TTC7A: variants seen among roughly 807,000 people sequenced by gnomAD.
The protein encoded by TTC7A is tetratricopeptide repeat protein 7A.
A neutral mutation model predicts 103.7 loss-of-function variants in TTC7A; 110 were observed. That is an observed-to-expected ratio of 1.06 (90% CI 0.91 to 1.24). TTC7A has a LOEUF of 1.24. Among genes scored for constraint, TTC7A ranks in the 50% most tolerant of loss-of-function variants. The pLI is 0.00. For synonymous variants in TTC7A, 521 were observed against 467.9 expected (o/e 1.11, Z -1.47); for missense variants, 1,340 against 1,116.3 (o/e 1.20, Z -2.86).
chr2:46,939,375 G>A (rs1372536317), upstream of TTC7A, among the ~76,000 whole-genome samples: 2 of 152,182 alleles, frequency 1.3e-5, no homozygotes, highest in Non-Finnish European at 1.5e-5. Flanking sequence ...TTGGTCATCA[G>A]AGGGCTGGGG....
At chr2:46,929,986 G>GA (rs1214454330) in intron 2 of TTC7A, among the ~76,000 whole-genome samples, 1 of 152,212 alleles carries the variant, frequency 6.6e-6, no homozygotes, top group Non-Finnish European at 1.5e-5. Flanking sequence ...GAAATATGGA[G>GA]AAAAGCCCAG....
Position 47,050,047 on chromosome 2 carries a change from G to A in TTC7A, c.2017+1G>A. The A allele has an allele frequency of 6.2e-7, 1 of 1,612,802 alleles. No individual in the cohort carries two copies. Among genetic ancestry groups the A allele is most frequent in the South Asian group, 1.1e-5 (1 of 91,042 alleles). On this transcript the variant is annotated splice_donor_variant, in intron 17 of 19. Transcript: ENST00000319190. LOFTEE classifies it high-confidence loss of function. ...CCTGATGCCCATGATGCAGACTCTG[G>A]TAAGAACGAGCTCCTTGGGCCACTG...
At chr2:47,004,815 T>C (rs1454264390) in intron 8 of TTC7A, among the ~76,000 whole-genome samples, 1 of 152,050 alleles carries the variant, frequency 6.6e-6, no homozygotes, top group Non-Finnish European at 1.5e-5. Context: ...GTCCCTGCCC[T>C]GTGGCTGCTT....
At chr2:47,070,364 C>T (rs1684571764) in intron 19 of TTC7A, among the ~76,000 whole-genome samples, 1 of 152,236 alleles carries the variant, frequency 6.6e-6, no homozygotes, top group Non-Finnish European at 1.5e-5. Context: ...GCTTGCCAAG[C>T]TCCACGTGGG....
At chr2:47,026,204 C>T (rs75463672) in intron 14 of TTC7A, among the ~76,000 whole-genome samples, 1,807 of 152,306 alleles carry the variant, frequency 0.012, 42 homozygotes, top group African/African-American at 0.042. Context: ...GCCAGCCCAT[C>T]CTGCCAAGAG....
intron 1 of TTC7A, among the ~76,000 whole-genome samples, chr2:46,948,397 C>G (rs1671117452): frequency 6.6e-6 from 1 of 152,148 alleles, no homozygotes; most frequent in Admixed American, 6.5e-5. Context: ...AGAGGTTCTA[C>G]CAACTTATAG....
At position 46,995,161 on chromosome 2, in the gene TTC7A, G is replaced by T. The variant is rs746446061; in HGVS notation, c.1027G>T (p.Glu343Ter). 1.1e-5 allele frequency: 17 copies of T among 1,614,168 alleles called. No homozygotes were observed. The highest frequency in any genetic ancestry group is 1.4e-5 in the Non-Finnish European group (16 of 1,180,030). The stretch of plus-strand genomic sequence containing the variant: ...CCTCTACTGCCCCAAGGACAACATC[G>T]AGGAAGCCCTCCTGCTCCTCCTCAT... ...DNLYCPKDNI[E>*]EALLLLLISE... Residue 343 changes from glutamate (E) to a stop codon, truncating the protein, a stop_gained, in exon 8 of 20, where the codon GAG becomes TAG. Transcript: ENST00000319190. LOFTEE classifies it high-confidence loss of function.
At chr2:47,001,707 A>C (rs1676825679) in intron 8 of TTC7A, among the ~76,000 whole-genome samples, 1 of 152,034 alleles carries the variant, frequency 6.6e-6, no homozygotes, top group African/African-American at 2.4e-5. Context: ...AAATACAAAA[A>C]AATTAGCCAG....
chr2:46,999,404 AC>A, intron 8 of TTC7A: 1 of 771,666 alleles, frequency 1.3e-6, no homozygotes, highest in South Asian at 5.9e-5. Flanking sequence ...CCATCCAGCC[AC>A]CTACCAACCC....
intron 17 of TTC7A, 119 bp from the exon 18 acceptor site, chr2:47,051,627 C>T (rs1185933604): frequency 7.7e-7 from 1 of 1,304,854 alleles, no homozygotes; most frequent in Non-Finnish European, 1.0e-6. Flanking sequence ...CCCAGCCGCA[C>T]CACCCTACCC....
chr2:46,932,350 T>C (rs1282707966), intron 2 of TTC7A, among the ~76,000 whole-genome samples: 1 of 152,148 alleles, frequency 6.6e-6, no homozygotes, highest in Non-Finnish European at 1.5e-5. Context: ...GGTTTCACCA[T>C]GTTGACCAGG....
At chr2:47,055,308 T>C (rs1160181694) in intron 18 of TTC7A, among the ~76,000 whole-genome samples, 3 of 152,200 alleles carry the variant, frequency 2.0e-5, no homozygotes, top group Non-Finnish European at 4.4e-5. Context: ...GAATTCACTC[T>C]TTGGTTGAAT....
chr2:47,021,676 A>C lies in TTC7A; in HGVS notation c.1393-186A>C, dbSNP rs142122564. 3.3e-5 allele frequency among the ~76,000 whole-genome samples: 5 copies of C among 152,354 alleles called. No individual in the cohort carries two copies. In the East Asian group the frequency reaches 7.7e-4, roughly 24 times the overall value. On this transcript the variant is annotated intron_variant, in intron 11 of 19. Transcript: ENST00000319190. ...CCCAAACTGGCCCGGTCTTGGGTTC[A>C]TGCTCTCAGCAGAACAAAATTTGGG...
At chr2:47,000,163 C>G (rs1041363883) in intron 8 of TTC7A, among the ~76,000 whole-genome samples, 4 of 151,850 alleles carry the variant, frequency 2.6e-5, no homozygotes, top group African/African-American at 9.7e-5. Flanking sequence ...TTTCCTCATT[C>G]TGTCCTGATA....
At chr2:46,975,432 C>T (rs986146743) in intron 4 of TTC7A, among the ~76,000 whole-genome samples, 1 of 151,908 alleles carries the variant, frequency 6.6e-6, no homozygotes, top group Admixed American at 6.6e-5. Context: ...GTTGGACATC[C>T]TTCCCTGCTC....
rs996661780 is a variant in TTC7A, at chr2:47,063,488, C to T, written c.2355+2517C>T. ...ATGATAGGAACTACTAGCTGTCATTCTAGGTCAGTTTCACATTTATGTAAG... is the reference window on the plus strand; with the variant it reads ...ATGATAGGAACTACTAGCTGTCATTTTAGGTCAGTTTCACATTTATGTAAG... On this transcript the variant is annotated intron_variant, in intron 19 of 19. Transcript: ENST00000319190. Among the ~76,000 whole-genome samples the T allele has an allele frequency of 2.0e-5, 3 of 152,200 alleles. No homozygotes were observed. The South Asian group carries it at 6.2e-4, about 31-fold the overall frequency.
chr2:46,973,339 GGAAA>G (rs1673540791), intron 3 of TTC7A, among the ~76,000 whole-genome samples: 1 of 152,154 alleles, frequency 6.6e-6, no homozygotes, highest in Non-Finnish European at 1.5e-5. Flanking sequence ...GAGAGAGAAT[GGAAA>G]GAGAGAGGAA....
intron 15 of TTC7A, among the ~76,000 whole-genome samples, chr2:47,032,006 C>T (rs1048662310): frequency 1.3e-5 from 2 of 152,186 alleles, no homozygotes; most frequent in African/African-American, 4.8e-5. Flanking sequence ...CCTCTCCCTG[C>T]GGGCAGTGTG....
rs757537810 is a variant in TTC7A, at chr2:47,073,875, G to A, written c.2529G>A (p.Glu843=). ...GCTTCCTCACCGCCCTTGAGCTGGA[G>A]GCCAGCAGCCCTGTACTGCCCTTCT... is the stretch of plus-strand genomic sequence containing the variant. ...VDCFLTALEL[E]ASSPVLPFSI... The change falls in exon 20 of 20, where the codon GAG becomes GAA. Residue 843 remains glutamate, a synonymous_variant. Transcript: ENST00000319190. 3.1e-6 allele frequency: 5 copies of A among 1,613,404 alleles called. No individual in the cohort carries two copies. The highest frequency in any genetic ancestry group is 3.3e-5 in the Admixed American group (2 of 60,006).
Sources: allele counts gnomAD v4.1 joint callset (sites outside exome capture counted in the v4.1 genomes callset), GRCh38; gene constraint gnomAD v4.1.1; transcripts MANE v1.5; gene names NCBI Gene and HGNC (gene_info 2026-07-23, HGNC 2026-07-21).